The following LRRIQ4 variants were observed in gnomAD, a reference collection of about 807,000 sequenced individuals.
LRRIQ4 encodes the protein leucine rich repeats and IQ motif containing 4, also known as leucine-rich repeat and IQ domain-containing protein 4.
Under a neutral mutation model 40.1 loss-of-function variants are expected in LRRIQ4, and 21 were observed. The observed-to-expected ratio is 0.52, with a 90% CI of 0.37 to 0.75. LRRIQ4 has a LOEUF of 0.75. Among genes scored for constraint, LRRIQ4 ranks in the 30% least tolerant of loss-of-function variants. LRRIQ4 has a pLI of 0.00. For synonymous variants in LRRIQ4, 277 were observed against 277.1 expected, an observed-to-expected ratio of 1.00 and a Z score of 0.00; for missense variants, 655 against 660.0, an observed-to-expected ratio of 0.99 and a Z score of 0.08.
In LRRIQ4 at chr3:169,828,663, C is replaced by G. The variant is rs1780095152; in HGVS notation, c.1021-96C>G. ...TAGTAGGAGAGGCTAAGTTACTCCA[C>G]TTGTTTAGCAGTCTGCCTCAAAACC... On this transcript the variant is annotated intron_variant, in intron 2 of 5. Transcript: ENST00000340806. The G allele has an allele frequency of 4.6e-6, 5 of 1,096,180 alleles. No individual in the cohort carries two copies. In the Admixed American group the frequency reaches 1.2e-4, roughly 26 times the overall value. 67.9% of individuals were successfully genotyped at this position (1,096,180 alleles called of 1,614,324 possible). A position where few individuals can be genotyped will look rare whatever the true frequency, so the allele number is the denominator to read the frequency against.
chr3:169,815,267 A>G (rs1395709207), intron 1 of LRRIQ4, among the ~76,000 whole-genome samples: 2 of 152,218 alleles, frequency 1.3e-5, no homozygotes, highest in East Asian at 3.8e-4. Context: ...TAATCCAAGA[A>G]CATAAAATAT....
At position 169,828,854 on chromosome 3, in the gene LRRIQ4, G is replaced by T. The variant is rs201065811; in HGVS notation, c.1116G>T (p.Ala372=). The change falls in exon 3 of 6, where the codon GCG becomes GCT. Residue 372 remains alanine, a synonymous_variant. Coordinates refer to ENST00000340806, the MANE Select transcript of LRRIQ4 (RefSeq NM_001080460.3). ...LSFPEEVLSL[A]SLEKLYIGQD... Reference sequence around the variant, plus strand: ...TTCCGGAGGAAGTCCTTTCTTTAGCGTCTTTAGAGAAATTATACATTGGGC... The same window carrying T: ...TTCCGGAGGAAGTCCTTTCTTTAGCTTCTTTAGAGAAATTATACATTGGGC... 1 of 1,613,574 alleles carries T rather than the reference G, an allele frequency of 6.2e-7. No individual in the cohort carries two copies. The highest frequency in any genetic ancestry group is 1.3e-5 in the African/African-American group (1 of 74,836).
chr3:169,821,364 G>A (rs574913690), intron 1 of LRRIQ4, among the ~76,000 whole-genome samples: 9 of 152,258 alleles, frequency 5.9e-5, no homozygotes, highest in African/African-American at 1.4e-4. Flanking sequence ...GCTGGGCACG[G>A]CGGCTCATGC....
intron 1 of LRRIQ4, among the ~76,000 whole-genome samples, chr3:169,816,771 A>C (rs1457529987): frequency 6.6e-6 from 1 of 151,404 alleles, no homozygotes; most frequent in African/African-American, 2.4e-5. Flanking sequence ...CCTGGGTTCA[A>C]GTGATTCTTT....
At position 169,833,499 on chromosome 3, in the gene LRRIQ4, A is replaced by C. The variant is rs536541694; in HGVS notation, c.1530+316A>C. Among the ~76,000 whole-genome samples, 4 of 152,338 alleles carry C rather than the reference A, an allele frequency of 2.6e-5. No homozygotes were observed. The South Asian group carries it at 8.3e-4, about 32-fold the overall frequency. On this transcript the variant is annotated intron_variant, in intron 5 of 5. Coordinates refer to ENST00000340806, the MANE Select transcript of LRRIQ4 (RefSeq NM_001080460.3). Reference sequence around the variant, plus strand: ...CATTGGAATGAAAAAAGTTTGTATTAACAAAAGTAGTAAAATAAGTTTAGA... The same window carrying C: ...CATTGGAATGAAAAAAGTTTGTATTCACAAAAGTAGTAAAATAAGTTTAGA...
Position 169,822,753 on chromosome 3 carries a change from A to C in LRRIQ4, c.832A>C (p.Arg278=), listed in dbSNP as rs939539175. 6.2e-6 allele frequency: 10 copies of C among 1,613,640 alleles called. No individual in the cohort carries two copies. In the African/African-American group the frequency reaches 1.2e-4, roughly 19 times the overall value. The change falls in exon 2 of 6, where the codon AGG becomes CGG. Residue 278 remains arginine (R), a synonymous_variant. Transcript: ENST00000340806. ...RLEKVPRLIC[R]WTSLHLLYLG... is the part of the protein sequence containing the mutation. ...GGAGAAGGTGCCACGCCTCATTTGC[A>C]GGTGGACCTCGCTGCACCTGCTCTA...
In LRRIQ4 at chr3:169,836,375, C is replaced by G. The variant is rs367646545; in HGVS notation, c.1531-1104C>G. Among the ~76,000 whole-genome samples, 5 of 152,264 alleles carry G rather than the reference C, an allele frequency of 3.3e-5. No homozygotes were observed. In the East Asian group the frequency reaches 9.6e-4, roughly 29 times the overall value. ...AATGGAAATGTATTTTCTCACAGTT[C>G]TGGAGGCTGGAAGTCTAAGGTCAGA... On this transcript the variant is annotated intron_variant, in intron 5 of 5. Coordinates refer to ENST00000340806, the MANE Select transcript of LRRIQ4 (RefSeq NM_001080460.3).
intron 2 of LRRIQ4, among the ~76,000 whole-genome samples, chr3:169,825,283 G>A (rs1042402767): frequency 6.6e-6 from 1 of 152,178 alleles, no homozygotes; most frequent in Non-Finnish European, 1.5e-5. Flanking sequence ...TGGGATTACA[G>A]GCGTGAGCCA....
intron 5 of LRRIQ4, among the ~76,000 whole-genome samples, chr3:169,834,212 A>C (rs1780255220): frequency 6.6e-6 from 1 of 152,110 alleles, no homozygotes; most frequent in African/African-American, 2.4e-5. Flanking sequence ...AAATACAAAA[A>C]TTAGCTGGGC....
chr3:169,833,328 G>T, intron 5 of LRRIQ4, 145 bp downstream of exon 5: 1 of 608,832 alleles, frequency 1.6e-6, no homozygotes, highest in Non-Finnish European at 2.7e-6. Flanking sequence ...TATGTCCCCA[G>T]GGCTAAGTAA....
At chr3:169,813,314 G>C (rs1458149899) in intron 1 of LRRIQ4, among the ~76,000 whole-genome samples, 1 of 152,210 alleles carries the variant, frequency 6.6e-6, no homozygotes. Flanking sequence ...AGGAAATCAG[G>C]AATTAGGGAG....
At position 169,822,320 on chromosome 3, in the gene LRRIQ4, T is replaced by A; in HGVS notation, c.399T>A (p.Ile133=). The A allele has an allele frequency of 6.2e-7, 1 of 1,613,878 alleles. No homozygotes were observed. Among genetic ancestry groups the A allele is most frequent in the African/African-American group, 1.3e-5 (1 of 75,018 alleles). ...LRLYQTDLKE[I]PVVIFKNLHH... is the part of the protein sequence containing the mutation. ...TCTACCAGACCGACCTGAAGGAAAT[T>A]CCCGTCGTCATCTTTAAAAACCTCC... Residue 133 remains isoleucine, a synonymous_variant, in exon 2 of 6, where the codon ATT becomes ATA. Coordinates refer to ENST00000340806, the MANE Select transcript of LRRIQ4 (RefSeq NM_001080460.3).
Position 169,822,862 on chromosome 3 carries a change from A to G in LRRIQ4, c.941A>G (p.His314Arg), listed in dbSNP as rs772692204. The G allele has an allele frequency of 1.2e-5, 20 of 1,610,996 alleles. No individual in the cohort carries two copies. The East Asian group carries it at 4.2e-4, about 34-fold the overall frequency. ...NLRFLDLSQN[H>R]LHHCPLQICA... ...CGCTTCCTGGACCTAAGCCAGAACC[A>G]TCTGCACCACTGCCCGCTGCAGATC... The change falls in exon 2 of 6, where the codon CAT becomes CGT. Residue 314 changes from histidine (H) to arginine (R), a missense_variant. By Grantham distance (29) the His-to-Arg change is conservative. Coordinates refer to ENST00000340806, the MANE Select transcript of LRRIQ4 (RefSeq NM_001080460.3).
chr3:169,815,443 C>CTGT (rs1439283568), intron 1 of LRRIQ4, among the ~76,000 whole-genome samples: 1 of 152,038 alleles, frequency 6.6e-6, no homozygotes, highest in Non-Finnish European at 1.5e-5. Context: ...TGATTGTTTG[C>CTGT]TGTTGGTATA....
At position 169,828,778 on chromosome 3, in the gene LRRIQ4, C is replaced by G. The variant is rs760396344; in HGVS notation, c.1040C>G (p.Ser347Ter). The change falls in exon 3 of 6, where the codon TCA becomes TGA. Residue 347 changes from serine (S) to a stop codon, truncating the protein, a stop_gained. Coordinates refer to ENST00000340806, the MANE Select transcript of LRRIQ4 (RefSeq NM_001080460.3). LOFTEE classifies it high-confidence loss of function. ...KIGQLPSELG[S>*]LSKLKILGLT... ...TTCTAGTTACCTTCAGAATTGGGCTCACTTTCAAAACTGAAGATACTTGGA... is the reference window on the plus strand; with the variant it reads ...TTCTAGTTACCTTCAGAATTGGGCTGACTTTCAAAACTGAAGATACTTGGA... 4.3e-6 allele frequency: 7 copies of G among 1,612,300 alleles called. No homozygotes were observed. In the African/African-American group the frequency reaches 8.0e-5, roughly 18 times the overall value.
At position 169,830,555 on chromosome 3, in the gene LRRIQ4, A is replaced by G. The variant is rs1206733344; in HGVS notation, c.1258A>G (p.Met420Val). ...GTACCTGCCCGTATCCTTGGGGTCA[A>G]TGCCTAACCTAGAAGTTCTTGATTG... ...LEYLPVSLGS[M>V]PNLEVLDCRH... Residue 420 changes from methionine to valine, a missense_variant, in exon 4 of 6, where the codon ATG becomes GTG. Physicochemically the swap from Met to Val is conservative, Grantham distance 21. Coordinates refer to ENST00000340806, the MANE Select transcript of LRRIQ4 (RefSeq NM_001080460.3). 6.2e-7 allele frequency: 1 copy of G among 1,613,436 alleles called. No individual in the cohort carries two copies. The highest frequency in any genetic ancestry group is 1.3e-5 in the African/African-American group (1 of 74,904).
intron 1 of LRRIQ4, among the ~76,000 whole-genome samples, chr3:169,814,773 C>G (rs116510646): frequency 0.014 from 2,109 of 152,282 alleles, 52 homozygotes; most frequent in African/African-American, 0.049. Flanking sequence ...GCGTGAGGCA[C>G]TATGCCTGGC....
chr3:169,829,087 T>C (rs1264734686), intron 3 of LRRIQ4, among the ~76,000 whole-genome samples, 155 bp downstream of exon 3: 1 of 152,164 alleles, frequency 6.6e-6, no homozygotes, highest in East Asian at 1.9e-4. Context: ...CATTTTGAGG[T>C]TTCCACTGTC....
chr3:169,837,512 A>G lies in LRRIQ4; in HGVS notation c.1564A>G (p.Arg522Gly). 6.2e-7 allele frequency: 1 copy of G among 1,610,144 alleles called. No homozygotes were observed. Among genetic ancestry groups the G allele is most frequent in the South Asian group, 1.1e-5 (1 of 89,520 alleles). Reference sequence around the variant, plus strand: ...ATGGTGGCGTGGAACAATGGTACAGAGAGGATTTGGGAAATTCGGTGAACT... The same window carrying G: ...ATGGTGGCGTGGAACAATGGTACAGGGAGGATTTGGGAAATTCGGTGAACT... Reference protein sequence around the residue: ...QAWWRGTMVQRGFGKFGELLK... With the variant: ...QAWWRGTMVQGGFGKFGELLK... Residue 522 changes from arginine (R) to glycine (G), a missense_variant, in exon 6 of 6, where the codon AGA becomes GGA. Arg to Gly is a moderately radical substitution (Grantham distance 125). Transcript: ENST00000340806.
Sources: allele counts gnomAD v4.1 joint callset (sites outside exome capture counted in the v4.1 genomes callset), GRCh38; gene constraint gnomAD v4.1.1; transcripts MANE v1.5; gene names NCBI Gene and HGNC (gene_info 2026-07-23, HGNC 2026-07-21).